The following SBNO1 variants were observed in gnomAD, a reference collection of about 807,000 sequenced individuals.
SBNO1 encodes protein strawberry notch homolog 1.
In SBNO1, 23 loss-of-function variants were observed where a neutral mutation model predicts 173.6. The observed-to-expected ratio is 0.13, with a 90% CI of 0.10 to 0.19. SBNO1 has a LOEUF of 0.19. Ranked by LOEUF, SBNO1 falls within the 10% of genes least tolerant of loss-of-function variation. The pLI is 1.00. For synonymous variants in SBNO1, 632 were observed against 571.5 expected, an observed-to-expected ratio of 1.11 and a Z score of -1.51; for missense variants, 1,238 against 1,671.2, an observed-to-expected ratio of 0.74 and a Z score of 4.52.
chr12:123,346,370 A>G (rs1013131181), intron 3 of SBNO1, among the ~76,000 whole-genome samples: 3 of 152,230 alleles, frequency 2.0e-5, no homozygotes, highest in Non-Finnish European at 4.4e-5. Context: ...TCTTTAATAA[A>G]GAGTCTACTA....
chr12:123,361,232 A>T (rs561374288), intron 1 of SBNO1, among the ~76,000 whole-genome samples: 1 of 150,652 alleles, frequency 6.6e-6, no homozygotes, highest in South Asian at 2.1e-4. Flanking sequence ...CAACAAAGTG[A>T]GACTCCGTCT....
chr12:123,340,223 G>C (rs769910706), intron 5 of SBNO1, among the ~76,000 whole-genome samples: 1 of 152,030 alleles, frequency 6.6e-6, no homozygotes, highest in East Asian at 1.9e-4. Flanking sequence ...TATACATGGA[G>C]AATTTATTAA....
chr12:123,309,158 C>CA, intron 28 of SBNO1, 152 bp downstream of exon 28: 1 of 632,442 alleles, frequency 1.6e-6, no homozygotes, highest in Non-Finnish European at 2.8e-6. Context: ...AAACATAACA[C>CA]AAATGGACAA....
Position 123,325,536 on chromosome 12 carries a change from C to G in SBNO1, c.1939G>C (p.Gly647Arg). The change falls in exon 15 of 32, where the codon GGG becomes CGG. Residue 647 changes from glycine to arginine, a missense_variant. Physicochemically the swap from Gly to Arg is moderately radical, Grantham distance 125. Coordinates refer to ENST00000602398, the MANE Select transcript of SBNO1 (RefSeq NM_001167856.3). ...GAAACAAAATCATTCAATTCTCCCC[C>G]GCCCTCTTCCAAAGCTTCTAATGTT... ...ARTLEALEEG[G>R]GELNDFVSTA... is the part of the protein sequence containing the mutation. 1 of 1,613,248 alleles carries G rather than the reference C, an allele frequency of 6.2e-7. No individual in the cohort carries two copies. Among genetic ancestry groups the G allele is most frequent in the Non-Finnish European group, 8.5e-7 (1 of 1,179,306 alleles).
chr12:123,330,608 A>C (rs1237339462), intron 8 of SBNO1, 99 bp from the exon 9 acceptor site: 1 of 607,954 alleles, frequency 1.6e-6, no homozygotes, highest in Admixed American at 3.8e-5. Context: ...TTAAAAAAAA[A>C]AAAAAAAAGA....
At chr12:123,351,013 T>C (rs558353413) in intron 1 of SBNO1, among the ~76,000 whole-genome samples, 148 of 152,160 alleles carry the variant, frequency 9.7e-4, no homozygotes, top group African/African-American at 3.5e-3. Flanking sequence ...TCCCAGCTTC[T>C]CTGGAGGCTG....
chr12:123,337,852 C>A (rs79509300), intron 5 of SBNO1, among the ~76,000 whole-genome samples: 5,904 of 152,224 alleles, frequency 0.039, 382 homozygotes, highest in African/African-American at 0.13. Flanking sequence ...GATAAGCAGC[C>A]TCCTTTCTCC....
intron 20 of SBNO1, among the ~76,000 whole-genome samples, chr12:123,319,244 C>T (rs1012056462): frequency 5.3e-5 from 8 of 151,988 alleles, no homozygotes; most frequent in African/African-American, 1.9e-4. Context: ...GGATTACAGG[C>T]GTGAGCCACC....
At chr12:123,307,523 T>C (rs1052023424) in intron 28 of SBNO1, among the ~76,000 whole-genome samples, 4 of 152,214 alleles carry the variant, frequency 2.6e-5, no homozygotes, top group Non-Finnish European at 5.9e-5. Context: ...ATGTAGGTAC[T>C]TCATATGAGC....
chr12:123,297,892 G>A, intron 31 of SBNO1, 86 bp downstream of exon 31: 1 of 1,212,818 alleles, frequency 8.2e-7, no homozygotes, highest in East Asian at 2.3e-5. Flanking sequence ...AGATGCATGT[G>A]GAATAAAGCT....
intron 5 of SBNO1, among the ~76,000 whole-genome samples, 170 bp from the exon 6 acceptor site, chr12:123,336,661 T>C: frequency 6.6e-6 from 1 of 152,274 alleles, no homozygotes; most frequent in East Asian, 1.9e-4. Context: ...TTCCTGCTTC[T>C]CCAATAATGA....
chr12:123,324,411 G>A (rs975408100), intron 15 of SBNO1, among the ~76,000 whole-genome samples: 5 of 149,336 alleles, frequency 3.3e-5, no homozygotes, highest in African/African-American at 9.9e-5. Flanking sequence ...AACCTCCGCC[G>A]CCTGGGTTCA....
chr12:123,312,999 T>G (rs926689157), intron 24 of SBNO1, among the ~76,000 whole-genome samples: 1 of 151,940 alleles, frequency 6.6e-6, no homozygotes, highest in African/African-American at 2.4e-5. Flanking sequence ...AGTCAGGAGA[T>G]CGAGACCATC....
chr12:123,339,829 A>G (rs1283809885), intron 5 of SBNO1, among the ~76,000 whole-genome samples: 1 of 152,102 alleles, frequency 6.6e-6, no homozygotes, highest in Non-Finnish European at 1.5e-5. Context: ...AGGACCCTCC[A>G]TGGAGCCCAG....
chr12:123,305,242 C>A (rs779827239), intron 28 of SBNO1, among the ~76,000 whole-genome samples: 5 of 152,194 alleles, frequency 3.3e-5, no homozygotes, highest in Non-Finnish European at 7.3e-5. Flanking sequence ...CAAGATAAGG[C>A]CTTGGATGGC....
chr12:123,326,091 C>A, intron 14 of SBNO1, 61 bp downstream of exon 14: 1 of 1,152,548 alleles, frequency 8.7e-7, no homozygotes, highest in Non-Finnish European at 1.2e-6. Context: ...AAAACCTCAG[C>A]ACCCACAAAG....
rs190072639 is a variant in SBNO1 at position 123,307,113 on chromosome 12, C to G, written c.3630+2197G>C. Among the ~76,000 whole-genome samples, 393 of 151,358 alleles carry G rather than the reference C, an allele frequency of 2.6e-3. 2 individuals are homozygous for G. Among genetic ancestry groups the G allele is most frequent in the Non-Finnish European group, 3.6e-3 (247 of 67,890 alleles). On this transcript the variant is annotated intron_variant, in intron 28 of 31. Coordinates refer to ENST00000602398, the MANE Select transcript of SBNO1 (RefSeq NM_001167856.3). Reference sequence around the variant, plus strand: ...CTGAGGTGGGAGGATTGTCTGAGCCCAGGAGGTTGAAGCTGCAGTGAGCCA... The same window carrying G: ...CTGAGGTGGGAGGATTGTCTGAGCCGAGGAGGTTGAAGCTGCAGTGAGCCA...
chr12:123,309,105 C>A (rs1462005812), intron 28 of SBNO1, among the ~76,000 whole-genome samples: 1 of 151,942 alleles, frequency 6.6e-6, no homozygotes, highest in Non-Finnish European at 1.5e-5. Context: ...TGTAACAATT[C>A]TAAACCCACA....
chr12:123,295,958 GCTGTTTCT>G lies in SBNO1; in HGVS notation c.4124_4131del (p.Gln1375ProfsTer32). On this transcript the variant is annotated frameshift_variant, in exon 32 of 32. Transcript: ENST00000602398. LOFTEE classifies it high-confidence loss of function. The stretch of plus-strand genomic sequence containing the variant: ...CTCTGAGGGTGATGCTGTTGCCATA[GCTGTTTCT>G]GTTGGACCGCAAGCTGTTGAGACTG... The G allele has an allele frequency of 6.2e-7, 1 of 1,613,040 alleles. No homozygotes were observed. The highest frequency in any genetic ancestry group is 8.5e-7 in the Non-Finnish European group (1 of 1,178,992).
Sources: gnomAD v4.1 joint callset for allele counts (sites outside exome capture counted in the v4.1 genomes callset) on GRCh38, gnomAD v4.1.1 for gene constraint, MANE v1.5 for transcripts, NCBI Gene and HGNC (gene_info 2026-07-23, HGNC 2026-07-21) for gene names.